Variants in WDPCP observed in about 807,000 individuals in gnomAD.
The protein encoded by WDPCP is WD repeat-containing and planar cell polarity effector protein fritz homolog.
WDPCP carries 71 observed loss-of-function variants against 93.1 expected under a neutral mutation model. That is an observed-to-expected ratio of 0.76 (90% CI 0.63 to 0.93). The LOEUF is 0.93. WDPCP is among the 40% of genes least tolerant of loss of function. The pLI is 0.00. For synonymous variants in WDPCP, 315 were observed against 315.0 expected (o/e 1.00, Z 0.00); for missense variants, 844 against 887.4 (o/e 0.95, Z 0.62).
At chr2:63,333,588 C>A (rs918465464) in intron 12 of WDPCP, among the ~76,000 whole-genome samples, 5 of 152,194 alleles carry the variant, frequency 3.3e-5, no homozygotes, top group Admixed American at 2.0e-4. Flanking sequence ...TCTGTTGATC[C>A]CATGTCTTCA....
At chr2:63,139,224 T>A (rs898457365) in intron 17 of WDPCP, among the ~76,000 whole-genome samples, 1 of 152,236 alleles carries the variant, frequency 6.6e-6, no homozygotes, top group South Asian at 2.1e-4. Flanking sequence ...CACTTGTTGA[T>A]GATGGGCATT....
the WDPCP span, among the ~76,000 whole-genome samples, chr2:63,839,418 T>G: frequency 5.3e-5 from 8 of 152,060 alleles, no homozygotes; most frequent in Non-Finnish European, 1.2e-4. Context: ...ATTAGCCAGG[T>G]GCGGTGGCAC....
At chr2:63,717,153 C>G (rs750824331) in intron 2 of WDPCP, 4 of 397,628 alleles carry the variant, frequency 1.0e-5, no homozygotes, top group Non-Finnish European at 1.9e-5. Context: ...CCACCTGACT[C>G]TTGGAAATGA....
At chr2:63,262,918 C>T (rs868449712) in intron 13 of WDPCP, among the ~76,000 whole-genome samples, 12 of 152,166 alleles carry the variant, frequency 7.9e-5, no homozygotes, top group Admixed American at 1.3e-4. Flanking sequence ...AGAGGGCAAA[C>T]ATTAATAGTT....
At chr2:63,742,905 G>A (rs942263163) in intron 2 of WDPCP, among the ~76,000 whole-genome samples, 2 of 151,888 alleles carry the variant, frequency 1.3e-5, no homozygotes, top group East Asian at 3.9e-4. Flanking sequence ...AAAATGAACT[G>A]AAAATTTAAT....
rs531463646 is a variant in WDPCP at position 63,451,583 on chromosome 2, A to G, written c.385-11712T>C. On this transcript the variant is annotated intron_variant, in intron 6 of 17. Coordinates refer to ENST00000272321, the MANE Select transcript of WDPCP (RefSeq NM_015910.7). Reference sequence around the variant, plus strand: ...AATAGAAAAAGAGGGAATCCTCCCTAACTCATTTTAAGAGGCCAGCATCAT... The same window carrying G: ...AATAGAAAAAGAGGGAATCCTCCCTGACTCATTTTAAGAGGCCAGCATCAT... Among the ~76,000 whole-genome samples the G allele has an allele frequency of 5.7e-4, 87 of 152,344 alleles. No individual in the cohort carries two copies. The Middle Eastern group carries it at 0.014, about 24-fold the overall frequency.
intron 6 of WDPCP, among the ~76,000 whole-genome samples, chr2:63,472,580 CTTTTATT>C (rs796357973): frequency 4.1e-4 from 63 of 151,956 alleles, no homozygotes; most frequent in African/African-American, 1.1e-3. Flanking sequence ...CTGATTATTA[CTTTTATT>C]TTTTATTTTT....
chr2:63,549,247 CAAAAAAAAAA>C (rs60864094), intron 1 of WDPCP, among the ~76,000 whole-genome samples: 2 of 87,666 alleles, frequency 2.3e-5, no homozygotes, highest in Admixed American at 1.3e-4. Context: ...GAGACTGTCT[CAAAAAAAAAA>C]AAAAAAAAAA....
Position 63,378,410 on chromosome 2 carries a change from C to T in WDPCP, c.1724G>A (p.Arg575Lys). Residue 575 changes from arginine to lysine, a missense_variant, in exon 12 of 18, where the codon AGG becomes AAG. Physicochemically the swap from Arg to Lys is conservative, Grantham distance 26. Coordinates refer to ENST00000272321, the MANE Select transcript of WDPCP (RefSeq NM_015910.7). ...EYRDQISKYARRFFHHLLRYQ... is the reference protein window; with the variant it reads ...EYRDQISKYAKRFFHHLLRYQ... Reference sequence around the variant, plus strand: ...CCTGAGCAAGTGATGGAAGAATCTCCTTGCATATTTGCTGATTTGATCTCT... The same window carrying T: ...CCTGAGCAAGTGATGGAAGAATCTCTTTGCATATTTGCTGATTTGATCTCT... 1.2e-6 allele frequency: 2 copies of T among 1,613,084 alleles called. No individual in the cohort carries two copies. The highest frequency in any genetic ancestry group is 1.7e-5 in the Admixed American group (1 of 59,904).
chr2:63,210,081 T>C (rs1008202631), intron 14 of WDPCP, among the ~76,000 whole-genome samples: 2 of 151,970 alleles, frequency 1.3e-5, no homozygotes, highest in African/African-American at 4.8e-5. Flanking sequence ...AAGAGTACAT[T>C]TTGAAAACAA....
At chr2:63,631,319 A>C (rs1393120592) in intron 3 of WDPCP, among the ~76,000 whole-genome samples, 2 of 152,128 alleles carry the variant, frequency 1.3e-5, no homozygotes, top group Admixed American at 6.6e-5. Flanking sequence ...CAGCTGAAGC[A>C]GTGCTGAGAA....
chr2:63,613,049 G>A (rs1225059391), intron 3 of WDPCP, among the ~76,000 whole-genome samples: 4 of 151,724 alleles, frequency 2.6e-5, no homozygotes, highest in African/African-American at 4.8e-5. Flanking sequence ...CTTCCATGCT[G>A]GCCATGTTAA....
chr2:63,364,262 G>A (rs1315363396), intron 12 of WDPCP, among the ~76,000 whole-genome samples: 1 of 152,078 alleles, frequency 6.6e-6, no homozygotes, highest in Non-Finnish European at 1.5e-5. Context: ...ACATGATTGA[G>A]AATATTTGCC....
chr2:63,342,888 C>A (rs1688944511), intron 12 of WDPCP, among the ~76,000 whole-genome samples: 1 of 152,006 alleles, frequency 6.6e-6, no homozygotes, highest in Admixed American at 6.6e-5. Flanking sequence ...TGAAGAACTC[C>A]TTTTAGCATT....
At chr2:63,760,393 G>C (rs1309934465) in intron 2 of WDPCP, among the ~76,000 whole-genome samples, 2 of 151,948 alleles carry the variant, frequency 1.3e-5, no homozygotes, top group Non-Finnish European at 2.9e-5. Flanking sequence ...ACACGAAAAG[G>C]ATTTCTTTTT....
intron 17 of WDPCP, among the ~76,000 whole-genome samples, chr2:63,143,457 T>C (rs868030763): frequency 6.6e-6 from 1 of 152,228 alleles, no homozygotes; most frequent in Non-Finnish European, 1.5e-5. Flanking sequence ...GTTGCATTCA[T>C]TGTGATTTTT....
chr2:63,693,456 T>C (rs868576055), intron 2 of WDPCP, among the ~76,000 whole-genome samples: 6 of 146,898 alleles, frequency 4.1e-5, no homozygotes, highest in Non-Finnish European at 7.4e-5. Flanking sequence ...GATAGATAGA[T>C]AGATAGATAG....
intron 10 of WDPCP, among the ~76,000 whole-genome samples, chr2:63,391,462 T>A (rs1285501793): frequency 6.6e-6 from 1 of 152,100 alleles, no homozygotes; most frequent in African/African-American, 2.4e-5. Context: ...ACGGGAAGCA[T>A]TCCCTTTGAA....
At position 63,253,204 on chromosome 2, in the gene WDPCP, A is replaced by G. The variant is rs557305301; in HGVS notation, c.1915+6103T>C. ...ATGGTTCTGGAATAGCTTGCTAGCCATATCTTTTCACCATATACAAAAATT... is the reference window on the plus strand; with the variant it reads ...ATGGTTCTGGAATAGCTTGCTAGCCGTATCTTTTCACCATATACAAAAATT... On this transcript the variant is annotated intron_variant, in intron 14 of 17. Coordinates refer to ENST00000272321, the MANE Select transcript of WDPCP (RefSeq NM_015910.7). Among the ~76,000 whole-genome samples the G allele has an allele frequency of 2.0e-4, 31 of 152,106 alleles. No homozygotes were observed. The East Asian group carries it at 5.6e-3, about 27-fold the overall frequency.
Sources: gnomAD v4.1 joint callset for allele counts (sites outside exome capture counted in the v4.1 genomes callset) on GRCh38, gnomAD v4.1.1 for gene constraint, MANE v1.5 for transcripts, NCBI Gene and HGNC (gene_info 2026-07-23, HGNC 2026-07-21) for gene names.